Variants in NCAM2 observed in about 807,000 individuals in gnomAD.
The protein encoded by NCAM2 is neural cell adhesion molecule 2, also known as N-CAM-2.
Under a neutral mutation model 98.1 loss-of-function variants are expected in NCAM2, and 30 were observed. The observed-to-expected ratio is 0.31, with a 90% confidence interval of 0.23 to 0.41. The LOEUF is 0.41. Ranked by LOEUF, NCAM2 falls within the 10% of genes least tolerant of loss-of-function variation. The probability of loss-of-function intolerance (pLI) is 1.00; values close to 1 mark genes in which losing one functional copy is unlikely to be tolerated. For synonymous variants in NCAM2, 368 were observed against 342.4 expected, an observed-to-expected ratio of 1.07 and a Z score of -0.83; for missense variants, 867 against 1,005.8, an observed-to-expected ratio of 0.86 and a Z score of 1.87.
At chr21:21,305,128 G>A (rs557785683) in intron 5 of NCAM2, among the ~76,000 whole-genome samples, 1 of 152,134 alleles carries the variant, frequency 6.6e-6, no homozygotes, top group South Asian at 2.1e-4. Context: ...GACCAGCCTG[G>A]TCAACATGGT....
At chr21:21,083,504 T>C (rs554186529) in intron 1 of NCAM2, among the ~76,000 whole-genome samples, 2 of 151,602 alleles carry the variant, frequency 1.3e-5, no homozygotes, top group Non-Finnish European at 2.9e-5. Context: ...CACTGCAACC[T>C]CTGCCTCCCC....
chr21:21,181,251 T>C (rs1158119284), intron 1 of NCAM2, among the ~76,000 whole-genome samples: 2 of 152,164 alleles, frequency 1.3e-5, no homozygotes, highest in East Asian at 3.9e-4. Context: ...TTTTTTATCA[T>C]CTTTAATATA....
chr21:21,362,990 G>A (rs1037160832), intron 8 of NCAM2, among the ~76,000 whole-genome samples: 5 of 152,090 alleles, frequency 3.3e-5, no homozygotes, highest in African/African-American at 1.2e-4. Flanking sequence ...CCAGTAGAGT[G>A]ACAAGAGCTT....
chr21:21,243,166 A>C (rs1479679209), intron 1 of NCAM2, among the ~76,000 whole-genome samples: 1 of 152,214 alleles, frequency 6.6e-6, no homozygotes, highest in Non-Finnish European at 1.5e-5. Flanking sequence ...ATATAATGTC[A>C]GTGCAGGCAG....
At chr21:21,489,313 A>T (rs1311350368) in intron 15 of NCAM2, among the ~76,000 whole-genome samples, 9 of 151,880 alleles carry the variant, frequency 5.9e-5, no homozygotes, top group Admixed American at 1.3e-4. Context: ...TCACTTTTTT[A>T]AAATTTATTT....
intron 1 of NCAM2, among the ~76,000 whole-genome samples, chr21:21,145,668 T>C (rs990827335): frequency 6.6e-6 from 1 of 152,162 alleles, no homozygotes; most frequent in African/African-American, 2.4e-5. Context: ...AAGGAAGCTA[T>C]GGATAGTATA....
chr21:21,150,799 AATG>A (rs1366786559), intron 1 of NCAM2, among the ~76,000 whole-genome samples: 3 of 151,830 alleles, frequency 2.0e-5, no homozygotes, highest in Non-Finnish European at 4.4e-5. Context: ...GTATAAAGAT[AATG>A]ATATTTTTAT....
chr21:21,476,182 A>G (rs927172306), intron 14 of NCAM2, among the ~76,000 whole-genome samples: 2 of 152,108 alleles, frequency 1.3e-5, no homozygotes, highest in South Asian at 2.1e-4. Flanking sequence ...GTCTGCATCT[A>G]TTGTTATAGA....
intron 1 of NCAM2, among the ~76,000 whole-genome samples, chr21:21,030,050 A>C (rs895234890): frequency 6.6e-6 from 1 of 152,212 alleles, no homozygotes; most frequent in Admixed American, 6.5e-5. Flanking sequence ...CATGGTATTC[A>C]AATGTCTAAA....
At chr21:21,047,518 G>T (rs1277651671) in intron 1 of NCAM2, among the ~76,000 whole-genome samples, 3 of 152,138 alleles carry the variant, frequency 2.0e-5, no homozygotes, top group Admixed American at 2.0e-4. Context: ...TCAACTTGAT[G>T]AGACTTAAGG....
chr21:21,281,166 G>A (rs2072915809), intron 2 of NCAM2, among the ~76,000 whole-genome samples: 1 of 151,916 alleles, frequency 6.6e-6, no homozygotes, highest in African/African-American at 2.4e-5. Flanking sequence ...TTTTATTTTT[G>A]TTAATTTGTT....
intron 1 of NCAM2, among the ~76,000 whole-genome samples, chr21:21,275,009 A>C (rs528907328): frequency 1.1e-4 from 17 of 152,208 alleles, no homozygotes; most frequent in Admixed American, 2.0e-4. Flanking sequence ...TATTACTATA[A>C]ATTTTAAAAA....
At chr21:21,127,808 T>G (rs1467591363) in intron 1 of NCAM2, among the ~76,000 whole-genome samples, 1 of 152,196 alleles carries the variant, frequency 6.6e-6, no homozygotes, top group Non-Finnish European at 1.5e-5. Flanking sequence ...TGACGAATAT[T>G]TCATTGTGTA....
chr21:21,458,358 A>G (rs1982461402), intron 12 of NCAM2, among the ~76,000 whole-genome samples: 1 of 152,306 alleles, frequency 6.6e-6, no homozygotes, highest in Admixed American at 6.5e-5. Flanking sequence ...ATTTCAGAGG[A>G]AGGGCCTCTT....
intron 15 of NCAM2, among the ~76,000 whole-genome samples, chr21:21,501,776 T>G (rs578033746): frequency 6.6e-6 from 1 of 152,076 alleles, no homozygotes; most frequent in East Asian, 1.9e-4. Context: ...CAAGACTAAT[T>G]GACTGTGTTC....
intron 1 of NCAM2, among the ~76,000 whole-genome samples, chr21:21,256,797 C>T (rs1488377214): frequency 6.6e-6 from 1 of 152,136 alleles, no homozygotes; most frequent in Non-Finnish European, 1.5e-5. Context: ...GTGTTGGAAC[C>T]TCCTGTGATC....
At chr21:21,115,998 T>A (rs553933743) in intron 1 of NCAM2, among the ~76,000 whole-genome samples, 75 of 136,282 alleles carry the variant, frequency 5.5e-4, no homozygotes, top group African/African-American at 1.9e-3. Context: ...TGTGTCTGTC[T>A]GTCTTTCATG....
chr21:21,015,342 T>C (rs2064286177), intron 1 of NCAM2, among the ~76,000 whole-genome samples: 1 of 152,106 alleles, frequency 6.6e-6, no homozygotes, highest in South Asian at 2.1e-4. Context: ...ATCATTGTTG[T>C]GTTATTTTGA....
intron 4 of NCAM2, among the ~76,000 whole-genome samples, 199 bp downstream of exon 4, chr21:21,286,611 T>C (rs1344944127): frequency 2.0e-5 from 3 of 151,836 alleles, no homozygotes; most frequent in African/African-American, 7.2e-5. Context: ...TTTACCCCTA[T>C]GTTGTAATCA....
Sources: gnomAD v4.1 joint callset for allele counts (sites outside exome capture counted in the v4.1 genomes callset) on GRCh38, gnomAD v4.1.1 for gene constraint, MANE v1.5 for transcripts, NCBI Gene and HGNC (gene_info 2026-07-23, HGNC 2026-07-21) for gene names.